The following DLG2 variants were observed in gnomAD, a reference collection of about 807,000 sequenced individuals.
DLG2 encodes the protein discs large MAGUK scaffold protein 2, also known as disks large homolog 2.
Under a neutral mutation model 132.5 loss-of-function variants are expected in DLG2, and 45 were observed. The ratio of observed to expected loss-of-function variants is 0.34; its 90% CI spans 0.27 to 0.44. DLG2 has a LOEUF of 0.44. Ranked by LOEUF, DLG2 falls within the 20% of genes least tolerant of loss-of-function variation. The probability of loss-of-function intolerance (pLI) is 1.00; values close to 1 mark genes in which losing one functional copy is unlikely to be tolerated. For missense variants in DLG2, 1,045 were observed against 1,196.9 expected (o/e 0.87, Z 1.87); for synonymous variants, 424 against 419.6 (o/e 1.01, Z -0.13).
intron 7 of DLG2, among the ~76,000 whole-genome samples, chr11:84,347,528 G>A (rs545429617): frequency 5.9e-5 from 9 of 152,036 alleles, no homozygotes; most frequent in South Asian, 2.1e-4. Flanking sequence ...AGTCTTTCTC[G>A]CAGCAATGTG....
chr11:83,601,263 A>G (rs2058490083), intron 19 of DLG2, among the ~76,000 whole-genome samples: 1 of 152,126 alleles, frequency 6.6e-6, no homozygotes, highest in African/African-American at 2.4e-5. Context: ...TGCCATGCCG[A>G]AGAGTTGGGG....
At chr11:83,849,801 A>G (rs1389224211) in intron 16 of DLG2, among the ~76,000 whole-genome samples, 1 of 150,044 alleles carries the variant, frequency 6.7e-6, no homozygotes, top group East Asian at 2.0e-4. Flanking sequence ...TTATAACGCG[A>G]ATTTCTTATT....
At chr11:84,663,897 GC>G (rs1427512476) in intron 6 of DLG2, among the ~76,000 whole-genome samples, 8 of 152,192 alleles carry the variant, frequency 5.3e-5, no homozygotes, top group Middle Eastern at 6.8e-3. Context: ...AATTCAAAGG[GC>G]CTTGCAAATG....
chr11:84,502,346 CTTTCTTTCTTTCTTT>C (rs2099219185), intron 7 of DLG2, among the ~76,000 whole-genome samples: 2 of 45,134 alleles, frequency 4.4e-5, no homozygotes, highest in African/African-American at 1.4e-4. Flanking sequence ...TTCTTTCTTT[CTTTCTTTCTTTCTTT>C]CTTTCTTTCT....
chr11:85,135,723 C>T (rs1299711816), intron 5 of DLG2, among the ~76,000 whole-genome samples: 1 of 152,156 alleles, frequency 6.6e-6, no homozygotes, highest in Non-Finnish European at 1.5e-5. Flanking sequence ...AAATGCACTC[C>T]TTAAAGATAG....
chr11:84,448,510 A>G (rs955278809), intron 7 of DLG2, among the ~76,000 whole-genome samples: 6 of 151,974 alleles, frequency 3.9e-5, no homozygotes, highest in African/African-American at 1.4e-4. Context: ...AATGTGCTCT[A>G]TAAATTTGTA....
intron 22 of DLG2, among the ~76,000 whole-genome samples, chr11:83,483,044 G>C (rs888541169): frequency 1.3e-5 from 2 of 152,094 alleles, no homozygotes; most frequent in Non-Finnish European, 2.9e-5. Flanking sequence ...AGAAGTTAGA[G>C]TGCCTGATAC....
intron 2 of DLG2, among the ~76,000 whole-genome samples, chr11:85,622,627 GA>G (rs113550955): frequency 0.05 from 6,497 of 129,312 alleles, 173 homozygotes; most frequent in East Asian, 0.11. Context: ...TTCCCCAGAG[GA>G]AAAAAAAAAA....
chr11:84,730,190 G>A lies in DLG2; in HGVS notation c.358-195459C>T, dbSNP rs140887265. Reference sequence around the variant, plus strand: ...TGATAAAAGTTGGATCTATGTTCCAGTCCCAGTTTGGACACTTGCTATGCA... The same window carrying A: ...TGATAAAAGTTGGATCTATGTTCCAATCCCAGTTTGGACACTTGCTATGCA... On this transcript the variant is annotated intron_variant, in intron 6 of 27. Transcript: ENST00000376104. 2.7e-3 allele frequency among the ~76,000 whole-genome samples: 410 copies of A among 152,102 alleles called. 2 individuals are homozygous for A. Among genetic ancestry groups the A allele is most frequent in the Non-Finnish European group, 5.1e-3 (344 of 67,944 alleles).
intron 2 of DLG2, among the ~76,000 whole-genome samples, chr11:85,611,856 CA>C (rs1357763542): frequency 6.6e-6 from 1 of 151,580 alleles, no homozygotes; most frequent in Non-Finnish European, 1.5e-5. Flanking sequence ...TCGAAGCCAT[CA>C]AAAAGGGGAA....
chr11:84,341,457 G>T (rs1183013096), intron 7 of DLG2, among the ~76,000 whole-genome samples: 1 of 152,150 alleles, frequency 6.6e-6, no homozygotes, highest in Non-Finnish European at 1.5e-5. Context: ...TCAGACAGGT[G>T]GGTCTTAACC....
intron 7 of DLG2, among the ~76,000 whole-genome samples, chr11:84,471,434 T>C (rs2099108094): frequency 6.6e-6 from 1 of 151,868 alleles, no homozygotes; most frequent in South Asian, 2.1e-4. Context: ...CTTATTTGGC[T>C]GAAATTTAAT....
intron 6 of DLG2, among the ~76,000 whole-genome samples, chr11:84,722,846 T>A (rs1300996790): frequency 1.3e-5 from 2 of 152,140 alleles, no homozygotes; most frequent in Non-Finnish European, 2.9e-5. Context: ...CTAGTAGATT[T>A]CTCCATTAGG....
chr11:83,899,469 G>A (rs928186605), intron 15 of DLG2, among the ~76,000 whole-genome samples: 2 of 152,194 alleles, frequency 1.3e-5, no homozygotes, highest in Non-Finnish European at 2.9e-5. Context: ...TTCTCACCTT[G>A]TGGCTCCCAT....
intron 6 of DLG2, among the ~76,000 whole-genome samples, chr11:84,646,303 C>T (rs929540168): frequency 6.7e-6 from 1 of 149,120 alleles, no homozygotes; most frequent in Non-Finnish European, 1.5e-5. Context: ...GTTTGACCAC[C>T]TCCGTGGCTG....
intron 19 of DLG2, among the ~76,000 whole-genome samples, chr11:83,585,348 C>T (rs1347385244): frequency 6.6e-6 from 1 of 152,174 alleles, no homozygotes; most frequent in Non-Finnish European, 1.5e-5. Flanking sequence ...ACAATCACAA[C>T]AACCCACAAC....
In DLG2 at chr11:84,075,515, A is replaced by G. The variant is rs201512370; in HGVS notation, c.750-16031T>C. ...AGATTGGGTTGGTCAGTAATAAAAT[A>G]TATGCAATTTTGCTGCCCAAATTTG... On this transcript the variant is annotated intron_variant, in intron 10 of 27. Coordinates refer to ENST00000376104, the MANE Select transcript of DLG2 (RefSeq NM_001142699.3). Among the ~76,000 whole-genome samples, 17 of 152,214 alleles carry G rather than the reference A, an allele frequency of 1.1e-4. No homozygotes were observed. In the East Asian group the frequency reaches 3.3e-3, roughly 29 times the overall value.
intron 5 of DLG2, among the ~76,000 whole-genome samples, chr11:85,152,456 C>T (rs1013072294): frequency 6.6e-6 from 1 of 152,116 alleles, no homozygotes; most frequent in African/African-American, 2.4e-5. Context: ...CCAGGCTGGT[C>T]TCAAACTCGT....
rs991565195 is a variant in DLG2, at chr11:85,124,834, A to T, written c.283-13099T>A. ...TTTTTAAAGTTTTGAGCACAGTAAA[A>T]TTTTTTTTTTTTTTGAGACGGAGTC... On this transcript the variant is annotated intron_variant, in intron 5 of 27. Transcript: ENST00000376104. Among the ~76,000 whole-genome samples, 36 of 148,316 alleles carry T rather than the reference A, an allele frequency of 2.4e-4. 1 individual carries two copies. The highest frequency in any genetic ancestry group is 1.9e-3 in the Admixed American group (29 of 14,924).
Sources: gnomAD v4.1 joint callset for allele counts (sites outside exome capture counted in the v4.1 genomes callset) on GRCh38, gnomAD v4.1.1 for gene constraint, MANE v1.5 for transcripts, NCBI Gene and HGNC (gene_info 2026-07-23, HGNC 2026-07-21) for gene names.